PTCD3: variants seen among roughly 807,000 people sequenced by gnomAD.
The protein encoded by PTCD3 is small ribosomal subunit protein mS39.
Under a neutral mutation model 101.9 loss-of-function variants are expected in PTCD3, and 89 were observed. The observed-to-expected ratio is 0.87, with a 90% CI of 0.74 to 1.04. The LOEUF is 1.04. PTCD3 is among the 50% of genes least tolerant of loss of function. The pLI is 0.00. For synonymous variants in PTCD3, 296 were observed against 278.5 expected (o/e 1.06, Z -0.63); for missense variants, 870 against 828.2 (o/e 1.05, Z -0.62).
At chr2:86,131,958 A>G (rs1674500003) in intron 16 of PTCD3, among the ~76,000 whole-genome samples, 1 of 152,226 alleles carries the variant, frequency 6.6e-6, no homozygotes, top group Non-Finnish European at 1.5e-5. Flanking sequence ...ATTTGTTGGC[A>G]GCAACCAGTA....
intron 4 of PTCD3, among the ~76,000 whole-genome samples, chr2:86,115,378 T>C (rs1674160366): frequency 6.6e-6 from 1 of 152,250 alleles, no homozygotes; most frequent in Non-Finnish European, 1.5e-5. Flanking sequence ...GTTCAGCAGC[T>C]GTAGTGACCC....
Position 86,125,054 on chromosome 2 carries a change from A to G in PTCD3, c.776A>G (p.Tyr259Cys), listed in dbSNP as rs376149979. ...ATGCCAGAGAAAAATGAACATTCCT[A>G]TTGCACAATGATCCGAGGAATGGTG... ...SLMPEKNEHS[Y>C]CTMIRGMVKH... The change falls in exon 10 of 24, where the codon TAT becomes TGT. Residue 259 changes from tyrosine (Y) to cysteine (C), a missense_variant. Transcript: ENST00000254630. 1.7e-5 allele frequency: 28 copies of G among 1,613,972 alleles called. No individual in the cohort carries two copies. Among genetic ancestry groups the G allele is most frequent in the Middle Eastern group, 1.6e-4 (1 of 6,070 alleles).
rs1573859575 is a variant in PTCD3, at chr2:86,134,985, C to G, written c.1776C>G (p.Ala592=). The change falls in exon 21 of 24, where the codon GCC becomes GCG. Residue 592 remains alanine (A), a splice_region_variant and synonymous_variant. Transcript: ENST00000254630. ...TAAGGGCTGGGAGAACTCAGGAAGC[C>G]TGGTGAGTACAGTACCACAAGTATA... ...LFLRAGRTQE[A]WKMLGLFRKH... The G allele has an allele frequency of 1.9e-6, 3 of 1,613,988 alleles. No homozygotes were observed. The highest frequency in any genetic ancestry group is 2.5e-6 in the Non-Finnish European group (3 of 1,179,882).
chr2:86,110,018 G>C (rs1315759912), intron 3 of PTCD3, among the ~76,000 whole-genome samples: 1 of 152,144 alleles, frequency 6.6e-6, no homozygotes, highest in African/African-American at 2.4e-5. Flanking sequence ...GACACTTTAG[G>C]TTAACGTGTA....
At chr2:86,125,320 C>A (rs1674364088) in intron 10 of PTCD3, 135 bp from the exon 11 acceptor site, 8 of 1,105,282 alleles carry the variant, frequency 7.2e-6, no homozygotes, top group Non-Finnish European at 1.1e-5. Flanking sequence ...AATCCCACTG[C>A]ACTAGAGTAT....
intron 1 of PTCD3, chr2:86,107,227 C>G (rs1316940657): frequency 2.1e-6 from 1 of 471,046 alleles, no homozygotes; most frequent in Non-Finnish European, 4.4e-6. Flanking sequence ...TTTTTCTACT[C>G]ATTTTCTTTG....
chr2:86,133,269 A>G lies in PTCD3; in HGVS notation c.1452+13A>G. The G allele has an allele frequency of 6.2e-7, 1 of 1,613,994 alleles. No individual in the cohort carries two copies. Among genetic ancestry groups the G allele is most frequent in the Non-Finnish European group, 8.5e-7 (1 of 1,179,960 alleles). The stretch of plus-strand genomic sequence containing the variant: ...CCTGATACCTTCAGTAAGATGGTTC[A>G]TTACTTGTTATTTATCATTCTAGAT... On this transcript the variant is annotated intron_variant, in intron 18 of 23. Transcript: ENST00000254630.
intron 12 of PTCD3, among the ~76,000 whole-genome samples, chr2:86,126,616 C>T (rs1674395099): frequency 6.6e-6 from 1 of 151,924 alleles, no homozygotes; most frequent in Non-Finnish European, 1.5e-5. Context: ...GGGTGGATTA[C>T]CTTAGGTCAG....
At chr2:86,117,863 G>A (rs1267919008) in intron 6 of PTCD3, among the ~76,000 whole-genome samples, 1 of 152,062 alleles carries the variant, frequency 6.6e-6, no homozygotes, top group African/African-American at 2.4e-5. Context: ...TGCAGCCTCT[G>A]CCGCCCGGGT....
chr2:86,110,975 T>G (rs1200353160), intron 3 of PTCD3, 138 bp from the exon 4 acceptor site: 1 of 829,350 alleles, frequency 1.2e-6, no homozygotes, highest in African/African-American at 1.7e-5. Context: ...TAATTTATTC[T>G]AGTGACCTTG....
chr2:86,136,448 G>A (rs2104463767), intron 21 of PTCD3, 73 bp from the exon 22 acceptor site: 3 of 1,414,442 alleles, frequency 2.1e-6, no homozygotes, highest in African/African-American at 1.4e-5. Context: ...TGATTTCAGA[G>A]AGAAGACAGC....
chr2:86,133,247 G>A lies in PTCD3; in HGVS notation c.1443G>A (p.Leu481=). The part of the protein sequence containing the change: ...IDVTLKWYED[L]IPSAYFPHSQ... ...TTACCTTGAAGTGGTATGAGGACCT[G>A]ATACCTTCAGTAAGATGGTTCATTA... Residue 481 remains leucine (L), a synonymous_variant, in exon 18 of 24, where the codon CTG becomes CTA. Coordinates refer to ENST00000254630, the MANE Select transcript of PTCD3 (RefSeq NM_017952.6). 2 of 1,614,070 alleles carry A rather than the reference G, an allele frequency of 1.2e-6. No individual in the cohort carries two copies. The highest frequency in any genetic ancestry group is 1.7e-6 in the Non-Finnish European group (2 of 1,179,992).
At chr2:86,132,962 G>C in intron 17 of PTCD3, 1 of 625,518 alleles carries the variant, frequency 1.6e-6, no homozygotes, top group Non-Finnish European at 2.7e-6. Flanking sequence ...GTATACAGAG[G>C]AAACAGTTAG....
chr2:86,106,407 G>A (rs1210572407), intron 1 of PTCD3, 56 bp downstream of exon 1: 2 of 1,543,654 alleles, frequency 1.3e-6, no homozygotes, highest in African/African-American at 1.4e-5. Context: ...TTAGTCCTAT[G>A]TTTCCCAGCT....
chr2:86,129,184 T>C (rs1674452146), intron 14 of PTCD3, among the ~76,000 whole-genome samples: 1 of 152,228 alleles, frequency 6.6e-6, no homozygotes, highest in Non-Finnish European at 1.5e-5. Flanking sequence ...CTTGGTGAGA[T>C]TGTGATGGAG....
At chr2:86,137,213 A>G (rs895761796) in intron 23 of PTCD3, 73 bp downstream of exon 23, 38 of 1,465,020 alleles carry the variant, frequency 2.6e-5, no homozygotes, top group Non-Finnish European at 2.9e-5. Flanking sequence ...AAATGTTCAT[A>G]GCTTTCTATC....
intron 7 of PTCD3, chr2:86,119,315 T>C (rs940434406): frequency 2.4e-6 from 1 of 416,126 alleles, no homozygotes; most frequent in South Asian, 3.2e-5. Flanking sequence ...CTGTTTTTAA[T>C]GTTAGGTAGG....
Position 86,121,499 on chromosome 2 carries a change from A to G in PTCD3, c.559A>G (p.Thr187Ala), listed in dbSNP as rs1170039472. Residue 187 changes from threonine (T) to alanine (A), a missense_variant, in exon 8 of 24, where the codon ACA becomes GCA. By Grantham distance (58) the Thr-to-Ala change is moderately conservative. Coordinates refer to ENST00000254630, the MANE Select transcript of PTCD3 (RefSeq NM_017952.6). ...CACAGGAACCACTGTGTCTCTTGAA[A>G]CAACAAATAGTCTCTTGGATTTATT... is the stretch of plus-strand genomic sequence containing the variant. Reference protein sequence around the residue: ...LQAGTTVSLETTNSLLDLLCY... With the variant: ...LQAGTTVSLEATNSLLDLLCY... 2 of 1,603,656 alleles carry G rather than the reference A, an allele frequency of 1.2e-6. No homozygotes were observed. The highest frequency in any genetic ancestry group is 1.3e-5 in the African/African-American group (1 of 74,316).
Position 86,125,711 on chromosome 2 carries a change from C to T in PTCD3, c.866-84C>T, listed in dbSNP as rs186923815. On this transcript the variant is annotated intron_variant, in intron 11 of 23. Transcript: ENST00000254630. ...TGGACATGTGATTAGTCAAGGGACA[C>T]ATAGGAATGACTGCTTTGCCTTAAA... 32 of 1,105,150 alleles carry T rather than the reference C, an allele frequency of 2.9e-5. No homozygotes were observed. The Admixed American group carries it at 6.6e-4, about 23-fold the overall frequency. The allele number at this position is 1,105,150 out of a possible 1,614,324, so 68.5% of individuals were successfully genotyped here. A position where few individuals can be genotyped will look rare whatever the true frequency, so the allele number is the denominator to read the frequency against.
Sources: allele counts gnomAD v4.1 joint callset (sites outside exome capture counted in the v4.1 genomes callset), GRCh38; gene constraint gnomAD v4.1.1; transcripts MANE v1.5; gene names NCBI Gene and HGNC (gene_info 2026-07-23, HGNC 2026-07-21).